The following BRINP1 variants were observed in gnomAD, a reference collection of about 807,000 sequenced individuals.
BRINP1 encodes the protein BMP/retinoic acid inducible neural specific 1.
A neutral mutation model predicts 72.9 loss-of-function variants in BRINP1; 17 were observed. The ratio of observed to expected loss-of-function variants is 0.23; its 90% CI spans 0.16 to 0.35. The LOEUF (loss-of-function observed/expected upper bound fraction) is 0.35. Among genes scored for constraint, BRINP1 ranks in the 10% least tolerant of loss-of-function variants. The pLI is 1.00. For missense variants in BRINP1, 850 were observed against 1,001.6 expected, an observed-to-expected ratio of 0.85 and a Z score of 2.04; for synonymous variants, 418 against 378.5, an observed-to-expected ratio of 1.10 and a Z score of -1.21.
intron 7 of BRINP1, among the ~76,000 whole-genome samples, chr9:119,189,271 GATCT>G (rs754464482): frequency 6.6e-6 from 1 of 152,000 alleles, no homozygotes; most frequent in Non-Finnish European, 1.5e-5. Flanking sequence ...GGAAAAAAAG[GATCT>G]ATTAAACCAC....
intron 1 of BRINP1, among the ~76,000 whole-genome samples, chr9:119,328,406 T>A (rs945287748): frequency 6.6e-6 from 1 of 152,124 alleles, no homozygotes; most frequent in Non-Finnish European, 1.5e-5. Flanking sequence ...AGCAAATGGC[T>A]CTCCTTTCTC....
intron 2 of BRINP1, among the ~76,000 whole-genome samples, chr9:119,271,779 G>T (rs1716949424): frequency 6.6e-6 from 1 of 151,856 alleles, no homozygotes; most frequent in Non-Finnish European, 1.5e-5. Flanking sequence ...CCACTTCTTT[G>T]TCTTTTTTCA....
intron 2 of BRINP1, among the ~76,000 whole-genome samples, chr9:119,259,996 C>G (rs1002615309): frequency 1.1e-4 from 17 of 152,174 alleles, no homozygotes; most frequent in Admixed American, 9.8e-4. Flanking sequence ...AGAGCCTCCC[C>G]CAAATCCACA....
At chr9:119,297,912 C>T (rs1319316784) in intron 2 of BRINP1, among the ~76,000 whole-genome samples, 1 of 152,208 alleles carries the variant, frequency 6.6e-6, no homozygotes, top group Non-Finnish European at 1.5e-5. Context: ...ATGCAACCTC[C>T]ATTTTTCTCT....
intron 2 of BRINP1, among the ~76,000 whole-genome samples, chr9:119,249,870 GGGAGGGAA>G (rs1830363401): frequency 9.1e-6 from 1 of 110,178 alleles, no homozygotes; most frequent in Non-Finnish European, 1.9e-5. Flanking sequence ...GAGGGAGGGA[GGGAGGGAA>G]GGGAGGAAGG....
chr9:119,242,674 T>C (rs993042472), intron 3 of BRINP1, among the ~76,000 whole-genome samples: 3 of 151,242 alleles, frequency 2.0e-5, no homozygotes, highest in African/African-American at 7.4e-5. Flanking sequence ...TTTTTCTCTT[T>C]CCCCTCCCCC....
intron 7 of BRINP1, among the ~76,000 whole-genome samples, chr9:119,199,195 CTGACT>C (rs1211221885): frequency 1.3e-5 from 2 of 152,034 alleles, no homozygotes; most frequent in Non-Finnish European, 2.9e-5. Flanking sequence ...TAAACTGAAA[CTGACT>C]TGAGTTCAAT....
At chr9:119,365,245 T>G (rs1831679660) in intron 1 of BRINP1, among the ~76,000 whole-genome samples, 1 of 152,198 alleles carries the variant, frequency 6.6e-6, no homozygotes, top group African/African-American at 2.4e-5. Flanking sequence ...GAAATATGGG[T>G]GGAATTTTGT....
chr9:119,270,097 G>A (rs991088096), intron 2 of BRINP1, among the ~76,000 whole-genome samples: 1 of 151,958 alleles, frequency 6.6e-6, no homozygotes, highest in Admixed American at 6.6e-5. Flanking sequence ...GTAGGGGAGT[G>A]AGCTAGGTTG....
chr9:119,307,278 C>CCTAGA (rs1831008011), intron 2 of BRINP1, among the ~76,000 whole-genome samples: 2 of 152,068 alleles, frequency 1.3e-5, no homozygotes, highest in African/African-American at 2.4e-5. Flanking sequence ...TCCTGTCTCT[C>CCTAGA]CTAGACCAGT....
chr9:119,294,541 C>T (rs1051754719), intron 2 of BRINP1, among the ~76,000 whole-genome samples: 8 of 149,266 alleles, frequency 5.4e-5, no homozygotes, highest in East Asian at 2.0e-4. Flanking sequence ...ACAACAACAA[C>T]GACAAAACAC....
chr9:119,200,084 A>G (rs1829788955), intron 7 of BRINP1, among the ~76,000 whole-genome samples: 1 of 152,228 alleles, frequency 6.6e-6, no homozygotes, highest in Admixed American at 6.5e-5. Flanking sequence ...TAGAAAGTAC[A>G]TACACTTTAT....
chr9:119,255,954 CAAAAAAAAAAAAAAAAAAA>C (rs58972395), intron 2 of BRINP1, among the ~76,000 whole-genome samples: 2 of 53,482 alleles, frequency 3.7e-5, no homozygotes, highest in Admixed American at 6.6e-4. Context: ...GACTCCAGCT[CAAAAAAAAAAAAAAAAAAA>C]AAAAAAAAAA....
chr9:119,247,625 T>C (rs1395473507), intron 3 of BRINP1, among the ~76,000 whole-genome samples: 3 of 124,530 alleles, frequency 2.4e-5, no homozygotes, highest in Non-Finnish European at 3.1e-5. Flanking sequence ...ACTACTGCAC[T>C]CCATCCTAGG....
At chr9:119,179,961 C>T (rs1446598016) in intron 7 of BRINP1, among the ~76,000 whole-genome samples, 4 of 152,324 alleles carry the variant, frequency 2.6e-5, no homozygotes, top group East Asian at 1.9e-4. Context: ...GGACAGTCTC[C>T]GTCACCCAGG....
intron 1 of BRINP1, among the ~76,000 whole-genome samples, chr9:119,356,760 G>A (rs181620936): frequency 8.7e-5 from 13 of 149,018 alleles, no homozygotes; most frequent in Non-Finnish European, 1.3e-4. Flanking sequence ...AACCGAGATC[G>A]CACCATTGCA....
intron 2 of BRINP1, among the ~76,000 whole-genome samples, chr9:119,276,488 A>G (rs745413732): frequency 6.6e-6 from 1 of 152,236 alleles, no homozygotes; most frequent in Non-Finnish European, 1.5e-5. Context: ...TAGAACCTTT[A>G]ACATCAATAC....
intron 6 of BRINP1, among the ~76,000 whole-genome samples, chr9:119,210,157 GT>G (rs1325602162): frequency 6.6e-6 from 1 of 152,168 alleles, no homozygotes; most frequent in Non-Finnish European, 1.5e-5. Context: ...CTGAGTTTCT[GT>G]TTTCCAATCT....
intron 7 of BRINP1, among the ~76,000 whole-genome samples, chr9:119,177,868 C>A (rs1829507195): frequency 6.6e-6 from 1 of 152,094 alleles, no homozygotes. Context: ...TCAGAATAAT[C>A]ATGAGGTTGT....
Sources: allele counts gnomAD v4.1 joint callset (sites outside exome capture counted in the v4.1 genomes callset), GRCh38; gene constraint gnomAD v4.1.1; transcripts MANE v1.5; gene names NCBI Gene and HGNC (gene_info 2026-07-23, HGNC 2026-07-21).